Variants in BRWD3 observed in about 807,000 individuals in gnomAD.
BRWD3 encodes the protein bromodomain and WD repeat-containing protein 3.
Under a neutral mutation model 149.7 loss-of-function variants are expected in BRWD3, and 10 were observed. The observed-to-expected ratio is 0.07, with a 90% CI of 0.04 to 0.11. The LOEUF (loss-of-function observed/expected upper bound fraction) is 0.11, where lower values mean the gene tolerates loss of function less well. BRWD3 is among the 10% of genes least tolerant of loss of function. BRWD3 has a pLI of 1.00. For synonymous variants in BRWD3, 504 were observed against 456.7 expected (o/e 1.10, Z -1.32); for missense variants, 940 against 1,373.2 (o/e 0.68, Z 4.99).
chrX:80,678,677 G>A (rs1342884838), intron 40 of BRWD3, among the ~76,000 whole-genome samples: 1 of 111,343 alleles, frequency 9.0e-6, no homozygotes, highest in African/African-American at 3.3e-5. Context: ...TAAAGATAAA[G>A]AAGAACCAAC....
intron 6 of BRWD3, among the ~76,000 whole-genome samples, chrX:80,769,827 G>C (rs751243464): frequency 1.8e-5 from 2 of 108,876 alleles, no homozygotes; most frequent in Non-Finnish European, 3.8e-5. Context: ...TTTTTGACAA[G>C]ATCAACAAAA....
chrX:80,669,563 GATCT>G lies in BRWD3; in HGVS notation c.*7042_*7045del, dbSNP rs912032634. 9.0e-6 allele frequency among the ~76,000 whole-genome samples: 1 copy of G among 111,593 alleles called. No individual in the cohort carries two copies. The highest frequency in any genetic ancestry group is 3.3e-5 in the African/African-American group (1 of 30,745). ...GGTAACAAAACAGTACTTTTCAAATGATCTATTACACAATTTGTTATGCAAATTT... is the reference window on the plus strand; with the variant it reads ...GGTAACAAAACAGTACTTTTCAAATGATTACACAATTTGTTATGCAAATTT... On this transcript the variant is annotated 3_prime_UTR_variant, in exon 41 of 41. Coordinates refer to ENST00000373275, the MANE Select transcript of BRWD3 (RefSeq NM_153252.5).
rs2072308857 is a variant in BRWD3 at position 80,669,713 on chromosome X, G to T, written c.*6896C>A. On this transcript the variant is annotated 3_prime_UTR_variant, in exon 41 of 41. Transcript: ENST00000373275. ...AATTGCCAATACAAATTAACATGTTGTTATACAAATTCTAACTAGAATTGC... is the reference window on the plus strand; with the variant it reads ...AATTGCCAATACAAATTAACATGTTTTTATACAAATTCTAACTAGAATTGC... Among the ~76,000 whole-genome samples the T allele has an allele frequency of 9.0e-6, 1 of 111,101 alleles. No homozygotes were observed. Among genetic ancestry groups the T allele is most frequent in the South Asian group, 3.7e-4 (1 of 2,698 alleles).
chrX:80,710,658 C>T (rs544636991), intron 20 of BRWD3: 3 of 798,341 alleles, frequency 3.8e-6, no homozygotes, highest in African/African-American at 2.1e-5. Flanking sequence ...AAAGCCTGCT[C>T]AACCTGCTGA....
chrX:80,687,472 T>C lies in BRWD3; in HGVS notation c.3865-469A>G, dbSNP rs73630397. Among the ~76,000 whole-genome samples, 792 of 111,408 alleles carry C rather than the reference T, an allele frequency of 7.1e-3. 8 individuals are homozygous for C. The highest frequency in any genetic ancestry group is 0.024 in the African/African-American group (742 of 30,698). ...CGATCTCTTTCAGTATTTCAAAATA[T>C]ATTGTCCCTTATATAAAATAACTAC... On this transcript the variant is annotated intron_variant, in intron 34 of 40. Transcript: ENST00000373275.
intron 1 of BRWD3, 31 bp from the exon 2 acceptor site, chrX:80,809,335 G>A (rs1207610636): frequency 2.6e-6 from 3 of 1,172,778 alleles, no homozygotes; most frequent in South Asian, 3.7e-5. Context: ...GAGGTTCAGA[G>A]GGAGGTAGAG....
intron 4 of BRWD3, among the ~76,000 whole-genome samples, chrX:80,804,281 A>G (rs2074329227): frequency 9.3e-6 from 1 of 107,323 alleles, no homozygotes; most frequent in Non-Finnish European, 1.9e-5. Context: ...TCAGTCACCC[A>G]GGCTGAAGTG....
At chrX:80,780,784 T>C (rs932854582) in intron 6 of BRWD3, among the ~76,000 whole-genome samples, 1 of 112,130 alleles carries the variant, frequency 8.9e-6, no homozygotes, top group African/African-American at 3.2e-5. Flanking sequence ...AGCAAAAGTA[T>C]GATACATAGG....
chrX:80,791,213 A>T (rs1156780053), intron 6 of BRWD3, among the ~76,000 whole-genome samples: 2 of 112,195 alleles, frequency 1.8e-5, no homozygotes, highest in Non-Finnish European at 3.8e-5. Context: ...GGCACTATAT[A>T]TAAAATAACG....
intron 10 of BRWD3, among the ~76,000 whole-genome samples, 162 bp from the exon 11 acceptor site, chrX:80,734,380 T>TA (rs1403434790): frequency 2.7e-5 from 3 of 112,055 alleles, no homozygotes; most frequent in African/African-American, 9.7e-5. Context: ...AGAGAAAATG[T>TA]AAAACTGTAT....
intron 6 of BRWD3, among the ~76,000 whole-genome samples, chrX:80,768,625 C>T (rs1173365484): frequency 9.0e-6 from 1 of 111,709 alleles, no homozygotes; most frequent in Non-Finnish European, 1.9e-5. Flanking sequence ...ACTGCAAAAA[C>T]ATACCAAATT....
At chrX:80,797,447 A>G (rs1602449129) in intron 4 of BRWD3, among the ~76,000 whole-genome samples, 1 of 111,784 alleles carries the variant, frequency 8.9e-6, no homozygotes, top group African/African-American at 3.2e-5. Flanking sequence ...AGAAAATGGG[A>G]GTTCTATAAT....
rs1030671459 is a variant in BRWD3, at chrX:80,672,075, T to C, written c.*4534A>G. 3 of 111,226 alleles carry C rather than the reference T, an allele frequency of 2.7e-5. No homozygotes were observed. In the South Asian group the frequency reaches 1.1e-3, roughly 43 times the overall value. 9.2% of individuals were successfully genotyped at this position (111,226 alleles called of 1,213,427 possible). The stretch of plus-strand genomic sequence containing the variant: ...TTATTTTTTAAGAAAATACTTATCA[T>C]GCTTTTATATGTCAAAGTCTCACAT... On this transcript the variant is annotated 3_prime_UTR_variant, in exon 41 of 41. Coordinates refer to ENST00000373275, the MANE Select transcript of BRWD3 (RefSeq NM_153252.5).
chrX:80,792,905 T>C (rs1199549950), intron 5 of BRWD3, among the ~76,000 whole-genome samples: 1 of 110,428 alleles, frequency 9.1e-6, no homozygotes, highest in Non-Finnish European at 1.9e-5. Flanking sequence ...GGTTTACGCC[T>C]GTAATCCCAG....
At chrX:80,775,737 T>C (rs574541618) in intron 6 of BRWD3, among the ~76,000 whole-genome samples, 2 of 112,322 alleles carry the variant, frequency 1.8e-5, no homozygotes, top group Admixed American at 9.5e-5. Context: ...ATGAGCTACA[T>C]AGTCTTTTCA....
intron 33 of BRWD3, among the ~76,000 whole-genome samples, chrX:80,689,346 A>G (rs1365601556): frequency 8.9e-6 from 1 of 111,838 alleles, no homozygotes; most frequent in Non-Finnish European, 1.9e-5. Context: ...AAATCGAGTA[A>G]TAATTTCATG....
chrX:80,758,812 C>A (rs2073772560), intron 6 of BRWD3, among the ~76,000 whole-genome samples: 1 of 111,515 alleles, frequency 9.0e-6, no homozygotes, highest in East Asian at 2.8e-4. Flanking sequence ...AGAAAAAAGT[C>A]AATTCCCTTT....
intron 27 of BRWD3, among the ~76,000 whole-genome samples, chrX:80,695,423 C>T (rs1166271308): frequency 9.0e-6 from 1 of 111,222 alleles, no homozygotes; most frequent in Non-Finnish European, 1.9e-5. Context: ...TATTGTTATA[C>T]AATAGAGCTA....
intron 20 of BRWD3, chrX:80,710,092 T>A: frequency 1.3e-6 from 1 of 792,681 alleles, no homozygotes; most frequent in Non-Finnish European, 1.9e-6. Context: ...TTGCAGCTCA[T>A]CAGAAAAAAA....
Sources: gnomAD v4.1 joint callset for allele counts (sites outside exome capture counted in the v4.1 genomes callset) on GRCh38, gnomAD v4.1.1 for gene constraint, MANE v1.5 for transcripts, NCBI Gene and HGNC (gene_info 2026-07-23, HGNC 2026-07-21) for gene names.